Variants in CNGB1 observed in about 807,000 individuals in gnomAD.
CNGB1 encodes cyclic nucleotide-gated channel beta-1.
A neutral mutation model predicts 151.7 loss-of-function variants in CNGB1; 126 were observed. That is an observed-to-expected ratio of 0.83 (90% CI 0.72 to 0.96). CNGB1 has a LOEUF of 0.96. Among genes scored for constraint, CNGB1 ranks in the 40% least tolerant of loss-of-function variants. CNGB1 has a pLI of 0.00. For missense variants in CNGB1, 1,698 were observed against 1,627.0 expected (o/e 1.04, Z -0.75); for synonymous variants, 623 against 635.1 (o/e 0.98, Z 0.29).
At chr16:57,945,091 G>A (rs1253511508) in intron 14 of CNGB1, among the ~76,000 whole-genome samples, 1 of 151,960 alleles carries the variant, frequency 6.6e-6, no homozygotes, top group African/African-American at 2.4e-5. Flanking sequence ...AGAAAACAGA[G>A]GCTCAGAGAG....
At chr16:57,927,405 C>G (rs1337891067) in intron 17 of CNGB1, among the ~76,000 whole-genome samples, 1 of 152,230 alleles carries the variant, frequency 6.6e-6, no homozygotes, top group Non-Finnish European at 1.5e-5. Flanking sequence ...CCTCAGAACT[C>G]TCCCCTCTCA....
intron 20 of CNGB1, among the ~76,000 whole-genome samples, 155 bp downstream of exon 20, chr16:57,918,944 G>A (rs1960952714): frequency 6.6e-6 from 1 of 152,174 alleles, no homozygotes. Flanking sequence ...GCAAGAAACT[G>A]TGGAATACTT....
intron 30 of CNGB1, 79 bp downstream of exon 30, chr16:57,897,717 G>T: frequency 6.5e-7 from 1 of 1,540,956 alleles, no homozygotes; most frequent in South Asian, 1.1e-5. Context: ...CCAAGCCGTA[G>T]ACACTCGCAC....
chr16:57,889,948 G>A (rs758085070), intron 31 of CNGB1, among the ~76,000 whole-genome samples: 7 of 152,140 alleles, frequency 4.6e-5, no homozygotes, highest in African/African-American at 1.2e-4. Context: ...GGGGAGTGAC[G>A]TGCCCAAGGT....
intron 31 of CNGB1, 51 bp from the exon 32 acceptor site, chr16:57,888,125 G>A (rs754644330): frequency 6.4e-7 from 1 of 1,571,946 alleles, no homozygotes; most frequent in Non-Finnish European, 8.7e-7. Context: ...TGGGGGAAAA[G>A]AAAGACTCGC....
intron 29 of CNGB1, among the ~76,000 whole-genome samples, chr16:57,900,379 C>T (rs1180646756): frequency 6.6e-6 from 1 of 152,188 alleles, no homozygotes; most frequent in Non-Finnish European, 1.5e-5. Context: ...GACGGGGGTT[C>T]CCAAGTCTTG....
chr16:57,924,926 G>T (rs1290763193), intron 17 of CNGB1, among the ~76,000 whole-genome samples: 1 of 152,162 alleles, frequency 6.6e-6, no homozygotes. Context: ...CTCCCCAGAA[G>T]TAGATGCTGC....
rs1379374322 is a variant in CNGB1 at position 57,967,277 on chromosome 16, A to G, written c.10T>C (p.Trp4Arg). 3 of 1,614,190 alleles carry G rather than the reference A, an allele frequency of 1.9e-6. No homozygotes were observed. The highest frequency in any genetic ancestry group is 2.5e-6 in the Non-Finnish European group (3 of 1,180,028). Residue 4 changes from tryptophan to arginine, a missense_variant, in exon 2 of 33, where the codon TGG becomes CGG. Physicochemically the swap from Trp to Arg is moderately radical, Grantham distance 101. Transcript: ENST00000251102. MLG[W>R]VQRVLPQPPG... ...GGCTGAGGCAGCACCCTCTGGACCC[A>G]GCCCAACATCCTGATGCCTGTAGGA... is the stretch of plus-strand genomic sequence containing the variant.
At chr16:57,951,832 G>A (rs1031262483) in intron 12 of CNGB1, among the ~76,000 whole-genome samples, 1 of 152,124 alleles carries the variant, frequency 6.6e-6, no homozygotes, top group African/African-American at 2.4e-5. Flanking sequence ...CCATTGCCAG[G>A]CACAGAGCTC....
chr16:57,901,067 G>A lies in CNGB1; in HGVS notation c.2976+285C>T, dbSNP rs1043102100. Among the ~76,000 whole-genome samples, 203 of 152,188 alleles carry A rather than the reference G, an allele frequency of 1.3e-3. 4 individuals carry two copies. Among genetic ancestry groups the A allele is most frequent in the East Asian group, 9.1e-3 (47 of 5,158 alleles). ...TTTCTGTAAGGTGGAGTTGGGGGGG[G>A]GGTCTTTGTCCTGGCCCCCATGGTC... is the stretch of plus-strand genomic sequence containing the variant. On this transcript the variant is annotated intron_variant, in intron 29 of 32. Transcript: ENST00000251102.
chr16:57,896,754 AAATAAAT>A (rs1352840270), intron 31 of CNGB1, among the ~76,000 whole-genome samples: 12 of 149,780 alleles, frequency 8.0e-5, no homozygotes, highest in Non-Finnish European at 1.3e-4. Flanking sequence ...ATAAATAAAT[AAATAAAT>A]AAAATAACTG....
At chr16:57,955,088 G>C in intron 12 of CNGB1, 1 of 1,384,022 alleles carries the variant, frequency 7.2e-7, no homozygotes, top group Non-Finnish European at 9.4e-7. Flanking sequence ...AAGTCCTGCT[G>C]TCTAGCCTAA....
At position 57,928,957 on chromosome 16, in the gene CNGB1, AAT is replaced by A. The variant is rs548353478; in HGVS notation, c.1535+2757_1535+2758del. Among the ~76,000 whole-genome samples, 362 of 152,298 alleles carry A rather than the reference AAT, an allele frequency of 2.4e-3. 1 individual carries two copies. Among genetic ancestry groups the A allele is most frequent in the Non-Finnish European group, 3.9e-3 (268 of 68,008 alleles). Reference sequence around the variant, plus strand: ...CCCAGCCCACATTATATTGTCTAATAATACAATGGGTAGATGACACTGAAAGC... The same window carrying A: ...CCCAGCCCACATTATATTGTCTAATAACAATGGGTAGATGACACTGAAAGC... On this transcript the variant is annotated intron_variant, in intron 17 of 32. Coordinates refer to ENST00000251102, the MANE Select transcript of CNGB1 (RefSeq NM_001297.5).
In CNGB1 at chr16:57,920,426, C is replaced by G; in HGVS notation, c.1762G>C (p.Asp588His). 2.5e-6 allele frequency: 4 copies of G among 1,614,210 alleles called. No individual in the cohort carries two copies. The highest frequency in any genetic ancestry group is 3.4e-6 in the Non-Finnish European group (4 of 1,180,046). Reference protein sequence around the residue: ...RTEKVKEKLIDPDVTSDEESP... With the variant: ...RTEKVKEKLIHPDVTSDEESP... ...TCCTCATCAGAGGTGACGTCAGGGT[C>G]AATGAGTTTCTCCTTCACTTTCTCT... The change falls in exon 19 of 33, where the codon GAC becomes CAC. Residue 588 changes from aspartate (D) to histidine (H), a missense_variant. Physicochemically the swap from Asp to His is moderately conservative, Grantham distance 81. Transcript: ENST00000251102.
Position 57,963,057 on chromosome 16 carries a change from G to A in CNGB1, c.298C>T (p.Arg100Cys). Reference sequence around the variant, plus strand: ...TTCATGAGCCAGGTCAGTACCCTGCGGCTGGGACTGCGATGGACAGAGACA... The same window carrying A: ...TTCATGAGCCAGGTCAGTACCCTGCAGCTGGGACTGCGATGGACAGAGACA... ...AEISEMNSPS[R>C]RVLTWLMKGV... The change falls in exon 5 of 33, where the codon CGC (arginine) becomes TGC (cysteine). Residue 100 changes from arginine (R) to cysteine (C), a missense_variant. Arg to Cys is a radical substitution (Grantham distance 180, BLOSUM62 -3). Coordinates refer to ENST00000251102, the MANE Select transcript of CNGB1 (RefSeq NM_001297.5). 6.2e-7 allele frequency: 1 copy of A among 1,611,902 alleles called. No homozygotes were observed. Among genetic ancestry groups the A allele is most frequent in the Non-Finnish European group, 8.5e-7 (1 of 1,179,336 alleles).
Position 57,920,521 on chromosome 16 carries a change from G to T in CNGB1, c.1667C>A (p.Thr556Lys), listed in dbSNP as rs199836349. Residue 556 changes from threonine (T) to lysine (K), a missense_variant, in exon 19 of 33, where the codon ACG becomes AAG. Thr to Lys is a moderately conservative substitution (Grantham distance 78). Coordinates refer to ENST00000251102, the MANE Select transcript of CNGB1 (RefSeq NM_001297.5). ...GATGATGGCGCTATTTGTGCTGGCC[G>T]TGGAGGCCGCACGGTCCTGGCCACT... ...DTDGQDRAAS[T>K]ASTNSAIIND... The T allele has an allele frequency of 3.3e-4, 529 of 1,613,608 alleles. No individual in the cohort carries two copies. Among genetic ancestry groups the T allele is most frequent in the Non-Finnish European group, 4.3e-4 (503 of 1,180,036 alleles).
chr16:57,924,865 G>A (rs546761924), intron 17 of CNGB1, among the ~76,000 whole-genome samples: 1 of 152,288 alleles, frequency 6.6e-6, no homozygotes, highest in South Asian at 2.1e-4. Context: ...CTCCTGCCAT[G>A]TGAGAGCCTG....
intron 11 of CNGB1, among the ~76,000 whole-genome samples, chr16:57,958,053 T>C (rs2149385417): frequency 6.6e-6 from 1 of 152,330 alleles, no homozygotes; most frequent in Middle Eastern, 3.4e-3. Flanking sequence ...TGCCGGCTCC[T>C]GTGAGCCTTA....
intron 11 of CNGB1, 123 bp from the exon 12 acceptor site, chr16:57,957,500 A>G: frequency 1.2e-6 from 1 of 816,552 alleles, no homozygotes; most frequent in Non-Finnish European, 2.1e-6. Context: ...GTCCCATGGG[A>G]TGGAGAAGAG....
Sources: allele counts gnomAD v4.1 joint callset (sites outside exome capture counted in the v4.1 genomes callset), GRCh38; gene constraint gnomAD v4.1.1; transcripts MANE v1.5; gene names NCBI Gene and HGNC (gene_info 2026-07-23, HGNC 2026-07-21).